The following PLEKHA5 variants were observed in gnomAD, a reference collection of about 807,000 sequenced individuals.
The protein encoded by PLEKHA5 is pleckstrin homology domain containing A5, also known as pleckstrin homology domain-containing family A member 5.
Under a neutral mutation model 181.9 loss-of-function variants are expected in PLEKHA5, and 55 were observed. The observed-to-expected ratio is 0.30, with a 90% confidence interval of 0.24 to 0.38. The LOEUF (loss-of-function observed/expected upper bound fraction) is 0.38. PLEKHA5 is among the 10% of genes least tolerant of loss of function. PLEKHA5 has a pLI of 1.00. For synonymous variants in PLEKHA5, 535 were observed against 529.4 expected, an observed-to-expected ratio of 1.01 and a Z score of -0.15; for missense variants, 1,432 against 1,549.5, an observed-to-expected ratio of 0.92 and a Z score of 1.27.
intron 3 of PLEKHA5, among the ~76,000 whole-genome samples, chr12:19,221,733 G>GTGCTCACCTA (rs2058970800): frequency 6.6e-6 from 1 of 152,092 alleles, no homozygotes; most frequent in Admixed American, 6.5e-5. Flanking sequence ...GGCAAAAAAG[G>GTGCTCACCTA]TGCTCACCTA....
chr12:19,158,298 A>G (rs1362839721), intron 3 of PLEKHA5, among the ~76,000 whole-genome samples: 1 of 152,034 alleles, frequency 6.6e-6, no homozygotes, highest in Non-Finnish European at 1.5e-5. Flanking sequence ...GCTTGCAGTG[A>G]GCCGAGATCG....
At position 19,276,788 on chromosome 12, in the gene PLEKHA5, G is replaced by C. The variant is rs182007066; in HGVS notation, c.1313+1805G>C. ...AAAAGAGAAGATAGTGGTTGGATGGGTTATGTGAGGTAATACATATGTTAA... is the reference window on the plus strand; with the variant it reads ...AAAAGAGAAGATAGTGGTTGGATGGCTTATGTGAGGTAATACATATGTTAA... On this transcript the variant is annotated intron_variant, in intron 11 of 31. Coordinates refer to ENST00000429027, the MANE Select transcript of PLEKHA5 (RefSeq NM_001256470.2). Among the ~76,000 whole-genome samples, 44 of 152,264 alleles carry C rather than the reference G, an allele frequency of 2.9e-4. No homozygotes were observed. In the East Asian group the frequency reaches 3.5e-3, roughly 12 times the overall value.
intron 18 of PLEKHA5, among the ~76,000 whole-genome samples, chr12:19,321,984 A>G (rs912649610): frequency 3.9e-5 from 6 of 152,144 alleles, no homozygotes; most frequent in African/African-American, 1.4e-4. Flanking sequence ...ATTTTTCTCC[A>G]TTAATAATAT....
intron 13 of PLEKHA5, among the ~76,000 whole-genome samples, chr12:19,289,580 G>T (rs2077953072): frequency 6.6e-6 from 1 of 152,092 alleles, no homozygotes; most frequent in South Asian, 2.1e-4. Flanking sequence ...TATTTTATGG[G>T]CTATAAGAAT....
At chr12:19,289,529 CA>C (rs1279424107) in intron 13 of PLEKHA5, among the ~76,000 whole-genome samples, 1 of 152,176 alleles carries the variant, frequency 6.6e-6, no homozygotes, top group Non-Finnish European at 1.5e-5. Flanking sequence ...AGCCTGCTTT[CA>C]GTTGTTAATC....
chr12:19,245,723 CAAAAAAAA>C (rs1177391924), intron 3 of PLEKHA5, among the ~76,000 whole-genome samples: 12 of 50,908 alleles, frequency 2.4e-4, no homozygotes, highest in African/African-American at 8.6e-4. Context: ...GTGAGACTGT[CAAAAAAAA>C]AAAAAAAAAA....
chr12:19,216,714 A>T (rs2058042061), intron 3 of PLEKHA5, among the ~76,000 whole-genome samples: 1 of 151,840 alleles, frequency 6.6e-6, no homozygotes, highest in African/African-American at 2.4e-5. Flanking sequence ...TACCTAAGGG[A>T]TTCACTGCCT....
intron 3 of PLEKHA5, among the ~76,000 whole-genome samples, chr12:19,231,175 C>T (rs1330095246): frequency 6.6e-6 from 1 of 151,920 alleles, no homozygotes; most frequent in Non-Finnish European, 1.5e-5. Flanking sequence ...TCTTTGAGGC[C>T]TGTTTTTTTG....
chr12:19,183,750 A>AT (rs2049154980), intron 3 of PLEKHA5, among the ~76,000 whole-genome samples: 1 of 151,944 alleles, frequency 6.6e-6, no homozygotes, highest in South Asian at 2.1e-4. Context: ...GTCTTGCTCT[A>AT]TTGCCCAGGC....
At chr12:19,164,384 G>A (rs1231346515) in intron 3 of PLEKHA5, among the ~76,000 whole-genome samples, 3 of 151,578 alleles carry the variant, frequency 2.0e-5, no homozygotes, top group Non-Finnish European at 2.9e-5. Context: ...TAGTAGAGAC[G>A]GAGTTTCACC....
intron 15 of PLEKHA5, among the ~76,000 whole-genome samples, chr12:19,297,750 AT>A (rs1200741176): frequency 1.8e-5 from 2 of 112,574 alleles, no homozygotes; most frequent in Admixed American, 9.8e-5. Flanking sequence ...CCAGTAAATT[AT>A]TATTTTTTTT....
rs528052391 is a variant in PLEKHA5 at position 19,289,840 on chromosome 12, A to G, written c.1864-837A>G. On this transcript the variant is annotated intron_variant, in intron 13 of 31. Coordinates refer to ENST00000429027, the MANE Select transcript of PLEKHA5 (RefSeq NM_001256470.2). ...GCTATATGAAAGCACTAACAGTGACATTTCAGAGTATAACTGGGAAGCAAT... is the reference window on the plus strand; with the variant it reads ...GCTATATGAAAGCACTAACAGTGACGTTTCAGAGTATAACTGGGAAGCAAT... 2.6e-5 allele frequency among the ~76,000 whole-genome samples: 4 copies of G among 152,278 alleles called. No homozygotes were observed. The East Asian group carries it at 5.8e-4, about 22-fold the overall frequency.
At chr12:19,280,797 A>G (rs147921381) in intron 11 of PLEKHA5, among the ~76,000 whole-genome samples, 1 of 148,818 alleles carries the variant, frequency 6.7e-6, no homozygotes, top group African/African-American at 2.5e-5. Flanking sequence ...TGCAACCTCC[A>G]CCTCCCAGGT....
intron 10 of PLEKHA5, among the ~76,000 whole-genome samples, chr12:19,270,698 G>A (rs1215567535): frequency 6.6e-6 from 1 of 152,064 alleles, no homozygotes; most frequent in African/African-American, 2.4e-5. Flanking sequence ...ATATATTCCT[G>A]TAATTCGAAG....
chr12:19,167,230 G>C (rs10770440), intron 3 of PLEKHA5, among the ~76,000 whole-genome samples: 136,472 of 151,954 alleles, frequency 0.9, 61,887 homozygotes, highest in Non-Finnish European at 0.97. Context: ...AGCCAGAGAG[G>C]TAAAAAGAAT....
intron 15 of PLEKHA5, chr12:19,307,465 T>G (rs2084404860): frequency 3.7e-6 from 1 of 273,392 alleles, no homozygotes; most frequent in African/African-American, 2.3e-5. Flanking sequence ...AGCACAAAAC[T>G]CTTGGCTCAA....
chr12:19,291,677 A>G lies in PLEKHA5; in HGVS notation c.2017A>G (p.Thr673Ala). 1.3e-6 allele frequency: 2 copies of G among 1,515,912 alleles called. No homozygotes were observed. Among genetic ancestry groups the G allele is most frequent in the Middle Eastern group, 1.7e-4 (1 of 5,930 alleles). The allele number at this position is 1,515,912 out of a possible 1,614,324, so 93.9% of individuals were successfully genotyped here. ...EILSHHLQRN[T>A]IYLDHQMKEN... is the part of the protein sequence containing the mutation. Reference sequence around the variant, plus strand: ...TCTTTCACATCATCTCCAAAGGAACACCATATATTTGGATCATCAGGTGGG... The same window carrying G: ...TCTTTCACATCATCTCCAAAGGAACGCCATATATTTGGATCATCAGGTGGG... Residue 673 changes from threonine (T) to alanine (A), a missense_variant, in exon 15 of 32, where the codon ACC becomes GCC. Thr to Ala is a moderately conservative substitution (Grantham distance 58). Transcript: ENST00000429027.
intron 28 of PLEKHA5, among the ~76,000 whole-genome samples, chr12:19,360,059 C>T (rs753708840): frequency 1.8e-4 from 27 of 151,902 alleles, no homozygotes; most frequent in Non-Finnish European, 1.2e-4. Flanking sequence ...TGACTGGGCA[C>T]GGTGGCTGGT....
chr12:19,150,295 T>A (rs528043122), intron 3 of PLEKHA5: 1 of 152,300 alleles, frequency 6.6e-6, no homozygotes, highest in East Asian at 1.9e-4. Context: ...CAGTTTAAGG[T>A]CCAAAATAGA....
Sources: gnomAD v4.1 joint callset for allele counts (sites outside exome capture counted in the v4.1 genomes callset) on GRCh38, gnomAD v4.1.1 for gene constraint, MANE v1.5 for transcripts, NCBI Gene and HGNC (gene_info 2026-07-23, HGNC 2026-07-21) for gene names.